NOS1: variants seen among roughly 807,000 people sequenced by gnomAD.
NOS1 encodes the protein nitric oxide synthase 1.
Under a neutral mutation model 164.5 loss-of-function variants are expected in NOS1, and 51 were observed. The ratio of observed to expected loss-of-function variants is 0.31; its 90% CI spans 0.25 to 0.39. NOS1 has a LOEUF of 0.39. Among genes scored for constraint, NOS1 ranks in the 10% least tolerant of loss-of-function variants. NOS1 has a pLI of 1.00. For synonymous variants in NOS1, 719 were observed against 745.8 expected (o/e 0.96, Z 0.59); for missense variants, 1,362 against 1,885.6 (o/e 0.72, Z 5.14).
At chr12:117,253,497 A>G in intron 17 of NOS1, 141 bp downstream of exon 17, 1 of 663,966 alleles carries the variant, frequency 1.5e-6, no homozygotes, top group Non-Finnish European at 2.7e-6. Context: ...GAGGGGTCCC[A>G]GACAGCCAGG....
At chr12:117,216,311 T>G (rs953794978) in intron 28 of NOS1, among the ~76,000 whole-genome samples, 1 of 150,658 alleles carries the variant, frequency 6.6e-6, no homozygotes. Flanking sequence ...GGCTCCCGAG[T>G]AGCTGGGACT....
Position 117,253,855 on chromosome 12 carries a change from C to T in NOS1, c.2532-101G>A, listed in dbSNP as rs973604325. ...AAGTGACCAGTCCTGATTCTAGGGC[C>T]TTCTCTTGTATGTTGAGTCAAACCA... On this transcript the variant is annotated intron_variant, in intron 16 of 28. Coordinates refer to ENST00000317775, the MANE Select transcript of NOS1 (RefSeq NM_000620.5). 105 of 766,162 alleles carry T rather than the reference C, an allele frequency of 1.4e-4. No homozygotes were observed. In the Admixed American group the frequency reaches 2.2e-3, roughly 16 times the overall value. 47.5% of individuals were successfully genotyped at this position (766,162 alleles called of 1,614,324 possible). A position where few individuals can be genotyped will look rare whatever the true frequency, so the allele number is the denominator to read the frequency against.
intron 22 of NOS1, among the ~76,000 whole-genome samples, chr12:117,228,101 A>G (rs1385209803): frequency 1.3e-5 from 2 of 152,028 alleles, no homozygotes; most frequent in Non-Finnish European, 2.9e-5. Flanking sequence ...AAGAAAGAAA[A>G]AGAGAGAGAA....
chr12:117,352,017 C>G (rs1876642609), intron 1 of NOS1, among the ~76,000 whole-genome samples: 2 of 152,032 alleles, frequency 1.3e-5, no homozygotes, highest in Non-Finnish European at 1.5e-5. Context: ...CCCGTCGCTA[C>G]AAAAAATTAG....
intron 7 of NOS1, among the ~76,000 whole-genome samples, chr12:117,281,448 A>C (rs1159903348): frequency 7.1e-6 from 1 of 141,726 alleles, no homozygotes; most frequent in African/African-American, 2.6e-5. Flanking sequence ...TGAACCTGGG[A>C]GGCAGAGGTT....
chr12:117,335,688 G>C, intron 1 of NOS1, among the ~76,000 whole-genome samples: 1 of 147,522 alleles, frequency 6.8e-6, no homozygotes, highest in South Asian at 2.2e-4. Context: ...TGGTGCCTGA[G>C]CCCTCTGCAT....
At chr12:117,348,289 C>T (rs1876450575) in intron 1 of NOS1, 1 of 152,140 alleles carries the variant, frequency 6.6e-6, no homozygotes, top group Admixed American at 6.6e-5. Context: ...AGGGGAATGT[C>T]ATGGTTCAGG....
intron 3 of NOS1, among the ~76,000 whole-genome samples, chr12:117,307,298 G>A (rs1314099220): frequency 6.6e-6 from 1 of 152,170 alleles, no homozygotes; most frequent in African/African-American, 2.4e-5. Flanking sequence ...ACATTTAGTT[G>A]CATATTTAAA....
At chr12:117,361,074 G>C (rs563204261) in intron 1 of NOS1, among the ~76,000 whole-genome samples, 1 of 152,126 alleles carries the variant, frequency 6.6e-6, no homozygotes, top group Non-Finnish European at 1.5e-5. Context: ...GGGCGGGAGC[G>C]GGGAGCCCTG....
chr12:117,259,472 T>G (rs556020110), intron 14 of NOS1, among the ~76,000 whole-genome samples: 7 of 152,152 alleles, frequency 4.6e-5, no homozygotes, highest in Non-Finnish European at 8.8e-5. Flanking sequence ...TTATAGTCAA[T>G]TGGTCTTGGA....
intron 27 of NOS1, 85 bp downstream of exon 27, chr12:117,219,989 TA>T: frequency 7.5e-7 from 1 of 1,337,076 alleles, no homozygotes; most frequent in Non-Finnish European, 1.0e-6. Flanking sequence ...GTGGCTCCCC[TA>T]ATCATCAAGA....
rs60613906 is a variant in NOS1, at chr12:117,335,729, T to TGAGAGAGAGAGAGAGAGAGAGAGAGA, written c.-420-4266_-420-4241dup. 4.9e-3 allele frequency among the ~76,000 whole-genome samples: 547 copies of TGAGAGAGAGAGAGAGAGAGAGAGAGA among 112,516 alleles called. 30 individuals are homozygous for TGAGAGAGAGAGAGAGAGAGAGAGAGA. Among genetic ancestry groups the TGAGAGAGAGAGAGAGAGAGAGAGAGA allele is most frequent in the Middle Eastern group, 8.5e-3 (2 of 234 alleles). 73.8% of individuals were successfully genotyped at this position (112,516 alleles called of 152,430 possible). A position where few individuals can be genotyped will look rare whatever the true frequency, so the allele number is the denominator to read the frequency against. On this transcript the variant is annotated intron_variant, in intron 1 of 28. Transcript: ENST00000317775. ...TTTTATTTAATTGTTACAGACTATA[T>TGAGAGAGAGAGAGAGAGAGAGAGAGA]GAGAGAGAGAGAGAGAGAGAGAGAG...
chr12:117,255,864 T>A, intron 16 of NOS1: 1 of 901,310 alleles, frequency 1.1e-6, no homozygotes, highest in Non-Finnish European at 1.6e-6. Context: ...ATGTGTGGCC[T>A]GGGATGCTCA....
intron 17 of NOS1, among the ~76,000 whole-genome samples, chr12:117,250,768 C>G (rs1871037142): frequency 6.6e-6 from 1 of 152,094 alleles, no homozygotes; most frequent in Non-Finnish European, 1.5e-5. Context: ...GAAACCCTAC[C>G]CAAAGCCACC....
intron 9 of NOS1, among the ~76,000 whole-genome samples, chr12:117,277,268 TAG>T (rs1411803001): frequency 6.6e-6 from 1 of 151,868 alleles, no homozygotes; most frequent in Non-Finnish European, 1.5e-5. Flanking sequence ...TCAGATCCTA[TAG>T]AGTTTTAAAC....
intron 17 of NOS1, among the ~76,000 whole-genome samples, chr12:117,248,619 C>T (rs1376034443): frequency 1.3e-5 from 2 of 151,738 alleles, no homozygotes; most frequent in Non-Finnish European, 2.9e-5. Flanking sequence ...GGGTTGGTTC[C>T]AAGTCTTTGC....
chr12:117,226,553 G>A (rs1592928821), intron 24 of NOS1, 130 bp downstream of exon 24: 1 of 724,108 alleles, frequency 1.4e-6, no homozygotes, highest in South Asian at 1.7e-5. Context: ...AGAGACGCAG[G>A]ACATTGGTCT....
intron 18 of NOS1, among the ~76,000 whole-genome samples, chr12:117,244,394 T>C (rs751831762): frequency 3.9e-5 from 6 of 152,138 alleles, no homozygotes; most frequent in African/African-American, 7.2e-5. Context: ...ATTACAGGCA[T>C]GTGCACCATG....
chr12:117,264,396 C>T (rs1236554330), intron 12 of NOS1, among the ~76,000 whole-genome samples: 1 of 152,060 alleles, frequency 6.6e-6, no homozygotes, highest in Non-Finnish European at 1.5e-5. Context: ...ACTCAGCCTC[C>T]CAAATAGCTG....
Sources: gnomAD v4.1 joint callset for allele counts (sites outside exome capture counted in the v4.1 genomes callset) on GRCh38, gnomAD v4.1.1 for gene constraint, MANE v1.5 for transcripts, NCBI Gene and HGNC (gene_info 2026-07-23, HGNC 2026-07-21) for gene names.